The following PHC3 variants were observed in gnomAD, a reference collection of about 807,000 sequenced individuals.
PHC3 encodes polyhomeotic-like protein 3.
Under a neutral mutation model 107.4 loss-of-function variants are expected in PHC3, and 13 were observed. The ratio of observed to expected loss-of-function variants is 0.12; its 90% CI spans 0.08 to 0.19. PHC3 has a LOEUF of 0.19. Ranked by LOEUF, PHC3 falls within the 10% of genes least tolerant of loss-of-function variation. The probability of loss-of-function intolerance (pLI) is 1.00; values close to 1 mark genes in which losing one functional copy is unlikely to be tolerated. For synonymous variants in PHC3, 456 were observed against 427.4 expected (o/e 1.07, Z -0.83); for missense variants, 992 against 1,210.9 (o/e 0.82, Z 2.68).
At chr3:170,120,631 G>A (rs1393245372) in intron 9 of PHC3, among the ~76,000 whole-genome samples, 2 of 151,842 alleles carry the variant, frequency 1.3e-5, no homozygotes, top group African/African-American at 4.8e-5. Flanking sequence ...TTTATTGACT[G>A]TTTTCTACTT....
intron 1 of PHC3, among the ~76,000 whole-genome samples, chr3:170,180,309 C>G (rs1731175560): frequency 6.6e-6 from 1 of 152,008 alleles, no homozygotes; most frequent in Non-Finnish European, 1.5e-5. Context: ...ATTAGCCAGG[C>G]CTGGTGGCAC....
rs1433337913 is a variant in PHC3, at chr3:170,113,487, A to C, written c.2226T>G (p.Pro742=). ...VSRSSLLIEQ[P]VKKRPLLDNQ... ...TATCCAAAAGAGGCCGTTTTTTCAC[A>C]GGCTGTTCTATTAGCAAAGAGGAAC... Residue 742 remains proline (P), a synonymous_variant, in exon 11 of 15, where the codon CCT becomes CCG. Coordinates refer to ENST00000495893, the MANE Select transcript of PHC3 (RefSeq NM_024947.4). The C allele has an allele frequency of 2.2e-5, 35 of 1,611,338 alleles. 1 individual carries two copies. The highest frequency in any genetic ancestry group is 2.9e-5 in the Non-Finnish European group (34 of 1,178,858).
At chr3:170,170,658 T>C (rs1283276874) in intron 4 of PHC3, 1 of 151,970 alleles carries the variant, frequency 6.6e-6, no homozygotes, top group African/African-American at 2.4e-5. Flanking sequence ...GAAAAAAATA[T>C]GTATACATGT....
chr3:170,129,649 A>T, intron 7 of PHC3, 97 bp from the exon 8 acceptor site: 2 of 1,215,224 alleles, frequency 1.6e-6, no homozygotes, highest in Non-Finnish European at 2.3e-6. Flanking sequence ...AGAAGGTCAT[A>T]ATCATCAGAA....
At chr3:170,123,609 T>C (rs1720781604) in intron 8 of PHC3, among the ~76,000 whole-genome samples, 1 of 151,634 alleles carries the variant, frequency 6.6e-6, no homozygotes, top group African/African-American at 2.4e-5. Flanking sequence ...GCCAACATGG[T>C]GAAACCCTAC....
chr3:170,141,971 T>C (rs1045711667), intron 6 of PHC3, among the ~76,000 whole-genome samples: 11 of 152,222 alleles, frequency 7.2e-5, no homozygotes, highest in Admixed American at 2.0e-4. Context: ...GAACCAACTT[T>C]GTGACTTATC....
chr3:170,181,479 T>C (rs1731416703), intron 1 of PHC3, among the ~76,000 whole-genome samples: 1 of 152,116 alleles, frequency 6.6e-6, no homozygotes, highest in South Asian at 2.1e-4. Flanking sequence ...ATCCGGGACC[T>C]GATGGCGGAA....
chr3:170,102,351 T>C, intron 14 of PHC3, 128 bp downstream of exon 14: 1 of 1,457,948 alleles, frequency 6.9e-7, no homozygotes, highest in Non-Finnish European at 9.0e-7. Flanking sequence ...CAATAACAAA[T>C]GTCATTTTAT....
At chr3:170,113,224 G>C (rs1718176744) in intron 11 of PHC3, 136 bp downstream of exon 11, 1 of 742,620 alleles carries the variant, frequency 1.3e-6, no homozygotes, top group Non-Finnish European at 2.0e-6. Context: ...CATTATTTTA[G>C]TCAAATGGTG....
At chr3:170,098,675 G>C (rs1447941148) in intron 14 of PHC3, among the ~76,000 whole-genome samples, 2 of 152,166 alleles carry the variant, frequency 1.3e-5, no homozygotes, top group East Asian at 3.9e-4. Context: ...ATTTTTTCCT[G>C]TGTACAGCTG....
At chr3:170,180,862 G>A (rs1356872232) in intron 1 of PHC3, among the ~76,000 whole-genome samples, 1 of 152,148 alleles carries the variant, frequency 6.6e-6, no homozygotes, top group Non-Finnish European at 1.5e-5. Flanking sequence ...TCTAAACATC[G>A]GTTGAGCGGA....
intron 6 of PHC3, among the ~76,000 whole-genome samples, chr3:170,143,015 A>G (rs901488912): frequency 1.3e-5 from 2 of 152,078 alleles, no homozygotes; most frequent in Non-Finnish European, 2.9e-5. Context: ...CTCTACAGAA[A>G]AAAATACAAA....
intron 2 of PHC3, among the ~76,000 whole-genome samples, chr3:170,176,484 A>G (rs910983228): frequency 2.6e-5 from 4 of 152,208 alleles, no homozygotes; most frequent in African/African-American, 9.7e-5. Context: ...GGTGGATGCA[A>G]TTATAAGGAT....
intron 5 of PHC3, among the ~76,000 whole-genome samples, chr3:170,145,985 A>G (rs1724868371): frequency 6.6e-6 from 1 of 152,234 alleles, no homozygotes; most frequent in Admixed American, 6.5e-5. Flanking sequence ...AAGGATAACT[A>G]TGCCACATAC....
chr3:170,110,824 A>G (rs1040145475), intron 11 of PHC3, among the ~76,000 whole-genome samples: 3 of 152,186 alleles, frequency 2.0e-5, no homozygotes, highest in African/African-American at 2.4e-5. Flanking sequence ...GCAGATTTCC[A>G]TGTTCTTCCT....
Position 170,172,553 on chromosome 3 carries a change from T to C in PHC3, c.336+4A>G. ...GATCTCATAAACTCTTATTTTAGTC[T>C]TACCTGAACAGCAGCAAGGCTCTGA... On this transcript the variant is annotated splice_donor_region_variant and intron_variant, in intron 3 of 14. Coordinates refer to ENST00000495893, the MANE Select transcript of PHC3 (RefSeq NM_024947.4). The C allele has an allele frequency of 6.2e-7, 1 of 1,609,274 alleles. No homozygotes were observed. The highest frequency in any genetic ancestry group is 8.5e-7 in the Non-Finnish European group (1 of 1,178,824).
chr3:170,110,811 T>C (rs1385963008), intron 11 of PHC3, among the ~76,000 whole-genome samples: 2 of 152,228 alleles, frequency 1.3e-5, no homozygotes, highest in African/African-American at 4.8e-5. Context: ...TAAAGTTTCC[T>C]AAGCAGATTT....
At chr3:170,126,819 G>A (rs1035377830) in intron 8 of PHC3, among the ~76,000 whole-genome samples, 4 of 151,950 alleles carry the variant, frequency 2.6e-5, no homozygotes, top group African/African-American at 4.8e-5. Flanking sequence ...GGGATTAGAG[G>A]TGTGAGGCAC....
intron 4 of PHC3, among the ~76,000 whole-genome samples, chr3:170,157,118 G>A (rs1727021521): frequency 6.6e-6 from 1 of 152,128 alleles, no homozygotes; most frequent in African/African-American, 2.4e-5. Context: ...CAGCAACAGC[G>A]ATGGTTATAT....
Sources: gnomAD v4.1 joint callset for allele counts (sites outside exome capture counted in the v4.1 genomes callset) on GRCh38, gnomAD v4.1.1 for gene constraint, MANE v1.5 for transcripts, NCBI Gene and HGNC (gene_info 2026-07-23, HGNC 2026-07-21) for gene names.